Variants in SEMA6D observed in about 807,000 individuals in gnomAD.
The protein encoded by SEMA6D is semaphorin 6D.
SEMA6D carries 35 observed loss-of-function variants against 106.6 expected under a neutral mutation model. The ratio of observed to expected loss-of-function variants is 0.33; its 90% CI spans 0.25 to 0.44. SEMA6D has a LOEUF of 0.44. Ranked by LOEUF, SEMA6D falls within the 20% of genes least tolerant of loss-of-function variation. SEMA6D has a pLI of 1.00. For synonymous variants in SEMA6D, 499 were observed against 487.7 expected, an observed-to-expected ratio of 1.02 and a Z score of -0.31; for missense variants, 1,185 against 1,345.9, an observed-to-expected ratio of 0.88 and a Z score of 1.87.
At chr15:47,342,016 TTC>T in intron 1 of SEMA6D, among the ~76,000 whole-genome samples, 2 of 152,062 alleles carry the variant, frequency 1.3e-5, no homozygotes, top group Non-Finnish European at 1.5e-5. Flanking sequence ...GTTTTTTTTT[TTC>T]CTTTTTTTCT....
At chr15:47,322,072 C>T (rs2036943987) in intron 1 of SEMA6D, among the ~76,000 whole-genome samples, 2 of 152,124 alleles carry the variant, frequency 1.3e-5, no homozygotes, top group Admixed American at 1.3e-4. Flanking sequence ...TTGAATAAGA[C>T]TCCAACCCAG....
intron 1 of SEMA6D, among the ~76,000 whole-genome samples, chr15:47,752,710 C>G (rs1224726314): frequency 6.6e-6 from 1 of 150,570 alleles, no homozygotes; most frequent in Non-Finnish European, 1.5e-5. Context: ...TAAAGCAATC[C>G]AATTGCTTTA....
chr15:47,769,696 C>CT (rs1019002374), intron 18 of SEMA6D, among the ~76,000 whole-genome samples: 5 of 151,896 alleles, frequency 3.3e-5, no homozygotes, highest in African/African-American at 9.7e-5. Flanking sequence ...CTTAAACTAA[C>CT]TTTTTTTTAT....
At chr15:47,459,517 G>A (rs2173093) in intron 2 of SEMA6D, among the ~76,000 whole-genome samples, 72,444 of 151,758 alleles carry the variant, frequency 0.48, 18,283 homozygotes, top group African/African-American at 0.64. Context: ...AACCTAGCTT[G>A]GTTTTGCACT....
At chr15:47,499,266 G>A (rs1409366124) in intron 3 of SEMA6D, among the ~76,000 whole-genome samples, 7 of 152,024 alleles carry the variant, frequency 4.6e-5, no homozygotes, top group Admixed American at 2.6e-4. Context: ...CCTCTAATCC[G>A]TCCTCAGAAA....
chr15:47,407,403 C>CAAAAAA (rs1462088729), intron 1 of SEMA6D, among the ~76,000 whole-genome samples: 23 of 82,212 alleles, frequency 2.8e-4, no homozygotes, highest in Middle Eastern at 9.8e-3. Flanking sequence ...ACAACAACAA[C>CAAAAAA]AACAACAAAA....
chr15:47,350,404 G>T (rs1314209060), intron 1 of SEMA6D, among the ~76,000 whole-genome samples: 1 of 152,122 alleles, frequency 6.6e-6, no homozygotes, highest in Non-Finnish European at 1.5e-5. Context: ...TTTGAAATTG[G>T]ATACTCAAGG....
At chr15:47,688,802 G>C (rs2145721812) in intron 4 of SEMA6D, among the ~76,000 whole-genome samples, 1 of 152,260 alleles carries the variant, frequency 6.6e-6, no homozygotes, top group East Asian at 1.9e-4. Context: ...TCTTTGGTAA[G>C]GTCCCTAATG....
At chr15:47,571,025 C>T (rs2046367579) in intron 3 of SEMA6D, among the ~76,000 whole-genome samples, 1 of 152,072 alleles carries the variant, frequency 6.6e-6, no homozygotes, top group Admixed American at 6.6e-5. Flanking sequence ...CATTTCAGAC[C>T]GTGTAATACA....
At chr15:47,424,759 G>A (rs542028491) in intron 2 of SEMA6D, among the ~76,000 whole-genome samples, 1 of 152,264 alleles carries the variant, frequency 6.6e-6, no homozygotes, top group African/African-American at 2.4e-5. Flanking sequence ...GAAGGTTCAA[G>A]TCTTCTGAGA....
At chr15:47,545,514 T>A (rs1158505679) in intron 3 of SEMA6D, among the ~76,000 whole-genome samples, 1 of 152,164 alleles carries the variant, frequency 6.6e-6, no homozygotes, top group Non-Finnish European at 1.5e-5. Context: ...TTGACATTAA[T>A]AACTAATAGC....
rs546313662 is a variant in SEMA6D, at chr15:47,725,069, A to T, written c.-55+7377A>T. On this transcript the variant is annotated intron_variant, in intron 1 of 18. Coordinates refer to ENST00000536845, the MANE Select transcript of SEMA6D (RefSeq NM_001358351.3). ...GGCTTTAGATGTAGATTCTAAAATAAAGAATACGTCGCATATGTATATGAG... is the reference window on the plus strand; with the variant it reads ...GGCTTTAGATGTAGATTCTAAAATATAGAATACGTCGCATATGTATATGAG... 2.6e-5 allele frequency among the ~76,000 whole-genome samples: 4 copies of T among 152,328 alleles called. No individual in the cohort carries two copies. In the East Asian group the frequency reaches 7.7e-4, roughly 29 times the overall value.
chr15:47,338,436 T>A (rs898225320), intron 1 of SEMA6D, among the ~76,000 whole-genome samples: 1 of 152,204 alleles, frequency 6.6e-6, no homozygotes, highest in Non-Finnish European at 1.5e-5. Context: ...TTCTCCAGGA[T>A]GTGCTTATTT....
At chr15:47,314,929 A>G (rs73401042) in intron 1 of SEMA6D, among the ~76,000 whole-genome samples, 60,961 of 132,904 alleles carry the variant, frequency 0.46, 15,428 homozygotes, top group Non-Finnish European at 0.57. Flanking sequence ...GCAGTGGCGC[A>G]ATCTCGGCTC....
At chr15:47,238,842 A>T (rs1276992124) in intron 1 of SEMA6D, among the ~76,000 whole-genome samples, 1 of 152,168 alleles carries the variant, frequency 6.6e-6, no homozygotes, top group Non-Finnish European at 1.5e-5. Flanking sequence ...GCAACAGGGA[A>T]GGTGCTCCTC....
chr15:47,440,049 G>C (rs1053750449), intron 2 of SEMA6D, among the ~76,000 whole-genome samples: 1 of 152,068 alleles, frequency 6.6e-6, no homozygotes, highest in African/African-American at 2.4e-5. Context: ...CTCGCATGCC[G>C]GAAGAGTTGA....
chr15:47,761,560 CAG>C, intron 6 of SEMA6D, 99 bp from the exon 7 acceptor site: 1 of 1,265,710 alleles, frequency 7.9e-7, no homozygotes, highest in Non-Finnish European at 1.1e-6. Context: ...AGAATAAAGA[CAG>C]AATTCTTCAA....
intron 2 of SEMA6D, among the ~76,000 whole-genome samples, chr15:47,434,520 T>G (rs1469452511): frequency 6.6e-6 from 1 of 152,092 alleles, no homozygotes; most frequent in Admixed American, 6.6e-5. Flanking sequence ...GTTTTCCTTA[T>G]TTTGGAAGCT....
intron 3 of SEMA6D, among the ~76,000 whole-genome samples, chr15:47,579,228 A>G (rs1382144619): frequency 2.7e-5 from 4 of 147,286 alleles, no homozygotes; most frequent in Non-Finnish European, 1.5e-5. Context: ...TGCAACCTCC[A>G]CCTCCTGGGT....
Sources: gnomAD v4.1 joint callset for allele counts (sites outside exome capture counted in the v4.1 genomes callset) on GRCh38, gnomAD v4.1.1 for gene constraint, MANE v1.5 for transcripts, NCBI Gene and HGNC (gene_info 2026-07-23, HGNC 2026-07-21) for gene names.